GATA4: variants seen among roughly 807,000 people sequenced by gnomAD.
The protein encoded by GATA4 is GATA binding protein 4.
GATA4 carries 7 observed loss-of-function variants against 37.9 expected under a neutral mutation model. The observed-to-expected ratio is 0.18, with a 90% confidence interval of 0.11 to 0.35. The LOEUF is 0.35. Among genes scored for constraint, GATA4 ranks in the 10% least tolerant of loss-of-function variants. GATA4 has a pLI of 1.00. For synonymous variants in GATA4, 372 were observed against 292.6 expected (o/e 1.27, Z -2.77); for missense variants, 647 against 653.0 (o/e 0.99, Z 0.10).
chr8:11,709,431 G>T lies in GATA4; in HGVS notation c.616+503G>T, dbSNP rs1219981655. On this transcript the variant is annotated intron_variant, in intron 2 of 6. Coordinates refer to ENST00000532059, the MANE Select transcript of GATA4 (RefSeq NM_001308093.3). The surrounding 1 kb of genome is among the most constrained non-coding windows in gnomAD (Gnocchi z 4.3). The stretch of plus-strand genomic sequence containing the variant: ...CGGCCCAGCTGGAGGATCCCTCGGG[G>T]TAGCTGATGATTTTCCCGTCGGGGG... 6.6e-6 allele frequency among the ~76,000 whole-genome samples: 1 copy of T among 152,228 alleles called. No individual in the cohort carries two copies. Among genetic ancestry groups the T allele is most frequent in the Non-Finnish European group, 1.5e-5 (1 of 68,028 alleles).
chr8:11,716,940 G>A (rs766060336), intron 2 of GATA4, among the ~76,000 whole-genome samples: 7 of 152,246 alleles, frequency 4.6e-5, no homozygotes, highest in Non-Finnish European at 8.8e-5. Flanking sequence ...GAAGAGGGCA[G>A]TTCTTGCCAA....
At chr8:11,740,394 A>G (rs1801672223) in intron 2 of GATA4, among the ~76,000 whole-genome samples, 1 of 152,192 alleles carries the variant, frequency 6.6e-6, no homozygotes, top group Non-Finnish European at 1.5e-5. Context: ...CCCATTTTGT[A>G]TGGTAGGTCA....
chr8:11,712,337 T>C (rs1183797223), intron 2 of GATA4, among the ~76,000 whole-genome samples: 4 of 152,050 alleles, frequency 2.6e-5, no homozygotes, highest in Admixed American at 6.5e-5. Flanking sequence ...CCCATCGTTG[T>C]GGTTTGGTAA....
rs550677426 is a variant in GATA4 at position 11,708,002 on chromosome 8, C to T, written c.-311C>T. On this transcript the variant is annotated 5_prime_UTR_variant, in exon 2 of 7. Coordinates refer to ENST00000532059, the MANE Select transcript of GATA4 (RefSeq NM_001308093.3). This position sits in a 1 kb window ranked among gnomAD's most constrained non-coding sequence, Gnocchi z 6.7. Reference sequence around the variant, plus strand: ...AGGCCTGGACGCTGCCCTCCGTCTTCTGCCCCCAATAGGTGCGCCGGACCT... The same window carrying T: ...AGGCCTGGACGCTGCCCTCCGTCTTTTGCCCCCAATAGGTGCGCCGGACCT... The T allele has an allele frequency of 7.3e-6, 3 of 411,974 alleles. No homozygotes were observed. Among genetic ancestry groups the T allele is most frequent in the South Asian group, 4.2e-5 (2 of 47,340 alleles). 25.5% of individuals were successfully genotyped at this position (411,974 alleles called of 1,614,324 possible). A position where few individuals can be genotyped will look rare whatever the true frequency, so the allele number is the denominator to read the frequency against.
At chr8:11,704,368 G>A (rs1799797265) in intron 1 of GATA4, 64 bp downstream of exon 1, 1 of 152,222 alleles carries the variant, frequency 6.6e-6, no homozygotes, top group African/African-American at 2.4e-5. Context: ...GAGCTTCTCC[G>A]CCTTTGCTTG....
chr8:11,681,936 G>A (rs1051039804), intron 1 of GATA4, among the ~76,000 whole-genome samples: 7 of 152,096 alleles, frequency 4.6e-5, no homozygotes, highest in Non-Finnish European at 8.8e-5. Context: ...TGAGATCCTT[G>A]CCCCTCACAA....
intron 1 of GATA4, among the ~76,000 whole-genome samples, chr8:11,693,866 G>A (rs1458462912): frequency 6.6e-6 from 1 of 152,210 alleles, no homozygotes; most frequent in African/African-American, 2.4e-5. Flanking sequence ...GAACAGCACA[G>A]AGTCCGCAGG....
chr8:11,717,646 G>C (rs577646078), intron 2 of GATA4, among the ~76,000 whole-genome samples: 1 of 152,312 alleles, frequency 6.6e-6, no homozygotes, highest in Non-Finnish European at 1.5e-5. Flanking sequence ...TGTGATTGAA[G>C]GGCTCTATTA....
chr8:11,697,495 C>T (rs1041843979), intron 1 of GATA4: 10 of 951,388 alleles, frequency 1.1e-5, no homozygotes, highest in Non-Finnish European at 1.1e-5. Context: ...GCAGCGCTCT[C>T]GGTGGGCACC....
chr8:11,748,449 A>C (rs953577062), intron 2 of GATA4, among the ~76,000 whole-genome samples: 1 of 152,230 alleles, frequency 6.6e-6, no homozygotes, highest in African/African-American at 2.4e-5. Context: ...CAAATGCTCA[A>C]AACATTAGTG....
Position 11,708,992 on chromosome 8 carries a change from C to CG in GATA4, c.616+65dup. The CG allele has an allele frequency of 6.8e-7, 1 of 1,460,220 alleles. No individual in the cohort carries two copies. The highest frequency in any genetic ancestry group is 2.6e-5 in the East Asian group (1 of 38,802). The allele number at this position is 1,460,220 out of a possible 1,614,324, so 90.5% of individuals were successfully genotyped here. ...GGGCAGGGGCCGTCTTGAGCCCTGT[C>CG]GAGGGCCTCTTGTTTTTCCACCAAC... On this transcript the variant is annotated intron_variant, in intron 2 of 6. Transcript: ENST00000532059. The surrounding 1 kb of genome is among the most constrained non-coding windows in gnomAD (Gnocchi z 6.7).
chr8:11,733,319 G>T (rs369686683), intron 2 of GATA4, among the ~76,000 whole-genome samples: 2 of 152,200 alleles, frequency 1.3e-5, no homozygotes, highest in Non-Finnish European at 2.9e-5. Flanking sequence ...ATATGAAAGA[G>T]TTATTGTACA....
intron 2 of GATA4, among the ~76,000 whole-genome samples, chr8:11,729,652 C>T (rs1436679741): frequency 1.3e-5 from 2 of 152,082 alleles, no homozygotes; most frequent in East Asian, 3.9e-4. Flanking sequence ...GCCCTCACAG[C>T]GTTGGTCTCT....
rs1179829931 is a variant in GATA4 at position 11,759,721 on chromosome 8, C to G, written c.*1246C>G. The G allele has an allele frequency of 6.6e-6, 1 of 152,360 alleles. No individual in the cohort carries two copies. Among genetic ancestry groups the G allele is most frequent in the Non-Finnish European group, 1.5e-5 (1 of 68,112 alleles). 9.4% of individuals were successfully genotyped at this position (152,360 alleles called of 1,614,324 possible). A position where few individuals can be genotyped will look rare whatever the true frequency, so the allele number is the denominator to read the frequency against. ...CACATTGCTGTTTCTGCCCCTGATG[C>G]TGGAGCTCAAGGAGACTCCTTCCTC... On this transcript the variant is annotated 3_prime_UTR_variant, in exon 7 of 7. Transcript: ENST00000532059.
At chr8:11,732,362 G>C (rs182136029) in intron 2 of GATA4, among the ~76,000 whole-genome samples, 187 of 152,294 alleles carry the variant, frequency 1.2e-3, no homozygotes, top group African/African-American at 4.3e-3. Flanking sequence ...GCTTTAGATG[G>C]GAGGAAGGCT....
chr8:11,689,075 A>T (rs1799231268), upstream of GATA4, among the ~76,000 whole-genome samples: 3 of 152,200 alleles, frequency 2.0e-5, no homozygotes, highest in Admixed American at 1.3e-4. Context: ...GGCAAATCCA[A>T]TAAGCGACTT....
At chr8:11,717,297 T>G (rs1013599472) in intron 2 of GATA4, among the ~76,000 whole-genome samples, 1 of 152,240 alleles carries the variant, frequency 6.6e-6, no homozygotes, top group African/African-American at 2.4e-5. Flanking sequence ...CACATTCACG[T>G]TTGGATACTG....
At chr8:11,697,243 G>A (rs531324030) in intron 1 of GATA4, among the ~76,000 whole-genome samples, 3 of 152,256 alleles carry the variant, frequency 2.0e-5, no homozygotes, top group Non-Finnish European at 4.4e-5. Flanking sequence ...CTGTCCTTCT[G>A]TCAAACACAC....
At chr8:11,679,520 G>A (rs1196632358) in intron 1 of GATA4, among the ~76,000 whole-genome samples, 1 of 152,234 alleles carries the variant, frequency 6.6e-6, no homozygotes, top group Non-Finnish European at 1.5e-5. Context: ...GGCTGGCGGC[G>A]GAATGAAAAG....
Sources: allele counts gnomAD v4.1 joint callset (sites outside exome capture counted in the v4.1 genomes callset), GRCh38; gene constraint gnomAD v4.1.1; non-coding constraint Gnocchi (gnomAD v3.1); transcripts MANE v1.5; gene names NCBI Gene and HGNC (gene_info 2026-07-23, HGNC 2026-07-21).